PDE4DIP: variants seen among roughly 807,000 people sequenced by gnomAD.
PDE4DIP encodes phosphodiesterase 4D interacting protein, also known as myomegalin.
In PDE4DIP, 59 loss-of-function variants were observed where a neutral mutation model predicts 221.4. The observed-to-expected ratio is 0.27, with a 90% CI of 0.22 to 0.33. The LOEUF (loss-of-function observed/expected upper bound fraction) is 0.33. Ranked by LOEUF, PDE4DIP falls within the 10% of genes least tolerant of loss-of-function variation. The pLI is 1.00. For synonymous variants in PDE4DIP, 404 were observed against 815.9 expected (o/e 0.50, Z 8.60); for missense variants, 1,036 against 2,154.2 (o/e 0.48, Z 10.28).
intron 1 of PDE4DIP, among the ~76,000 whole-genome samples, chr1:148,820,718 G>C (rs868962844): frequency 1.0e-4 from 15 of 148,816 alleles, no homozygotes; most frequent in South Asian, 2.2e-4. Flanking sequence ...TTTTTTTGGG[G>C]GGGGGGTGGC....
At chr1:148,989,596 C>G (rs587718085) in intron 21 of PDE4DIP, among the ~76,000 whole-genome samples, 1 of 152,310 alleles carries the variant, frequency 6.6e-6, no homozygotes, top group African/African-American at 2.4e-5. Flanking sequence ...CAGCCTGACT[C>G]CACAACCCAG....
intron 1 of PDE4DIP, among the ~76,000 whole-genome samples, chr1:148,901,286 CG>C (rs2040535477): frequency 9.8e-6 from 1 of 101,678 alleles, no homozygotes; most frequent in African/African-American, 3.5e-5. Context: ...AGGCACAGAG[CG>C]GGGCTGGTGC....
chr1:148,950,652 G>C (rs1318023654), intron 5 of PDE4DIP, among the ~76,000 whole-genome samples: 2 of 141,316 alleles, frequency 1.4e-5, no homozygotes, highest in African/African-American at 2.7e-5. Context: ...GAGCAAGATG[G>C]AGCGGTGGAG....
At chr1:148,981,374 T>A (rs1463257949) in exon 21 of PDE4DIP, 1 of 1,613,918 alleles carries the variant, frequency 6.2e-7, no homozygotes, top group Non-Finnish European at 8.5e-7. Context: ...TTAAACAGGC[T>A]GGAGACCCTG....
intron 1 of PDE4DIP, among the ~76,000 whole-genome samples, chr1:148,832,697 G>T (rs1553370497): frequency 6.6e-6 from 1 of 151,932 alleles, no homozygotes; most frequent in Non-Finnish European, 1.5e-5. Flanking sequence ...TAATCATATG[G>T]TTTTTGTCAC....
At chr1:149,032,363 A>G (rs1619391) in exon 44 of PDE4DIP, 41,783 of 530,674 alleles carry the variant, frequency 0.079, 4,567 homozygotes, top group East Asian at 0.48. Context: ...AAACTCAGTG[A>G]ATATAGGACC....
intron 1 of PDE4DIP, among the ~76,000 whole-genome samples, chr1:148,914,870 G>A (rs1573281720): frequency 9.5e-6 from 1 of 105,522 alleles, no homozygotes; most frequent in East Asian, 2.3e-4. Flanking sequence ...AAAGATAAAT[G>A]AATAATAGCA....
At chr1:148,963,896 G>A (rs587654799) in intron 9 of PDE4DIP, among the ~76,000 whole-genome samples, 5 of 148,084 alleles carry the variant, frequency 3.4e-5, no homozygotes, top group Non-Finnish European at 7.4e-5. Context: ...TGGGACTACA[G>A]GCACTGGCCG....
intron 1 of PDE4DIP, among the ~76,000 whole-genome samples, chr1:148,815,547 C>CAAAA (rs3978512): frequency 2.6e-4 from 7 of 26,486 alleles, no homozygotes; most frequent in Non-Finnish European, 3.9e-4. Flanking sequence ...GACTCTGTCT[C>CAAAA]AAAAAAAAAA....
At chr1:148,996,875 A>G (rs1351320783) in intron 22 of PDE4DIP, among the ~76,000 whole-genome samples, 2 of 152,262 alleles carry the variant, frequency 1.3e-5, no homozygotes, top group Non-Finnish European at 1.5e-5. Flanking sequence ...GGGCCACTAC[A>G]TGATTTGTGG....
intron 1 of PDE4DIP, among the ~76,000 whole-genome samples, chr1:148,846,428 A>G (rs1676872047): frequency 1.5e-4 from 7 of 47,586 alleles, no homozygotes; most frequent in Middle Eastern, 8.2e-3. Flanking sequence ...TGGGCAACAA[A>G]AGCGAAACTC....
rs1553467999 is a variant in PDE4DIP at position 148,929,415 on chromosome 1, A to T, written c.218+142A>T. The stretch of plus-strand genomic sequence containing the variant: ...TCAGGAACTGAAACAATAGATTTTC[A>T]TATGCTGTGTTTCCCTTGGGCTCTT... On this transcript the variant is annotated intron_variant, in intron 2 of 43. Transcript: ENST00000369354. The T allele has an allele frequency of 5.7e-6, 7 of 1,237,706 alleles. No individual in the cohort carries two copies. The Admixed American group carries it at 1.2e-4, about 22-fold the overall frequency. 76.7% of individuals were successfully genotyped at this position (1,237,706 alleles called of 1,614,324 possible).
At chr1:148,929,988 G>A (rs1553468470) in intron 2 of PDE4DIP, 1 of 151,902 alleles carries the variant, frequency 6.6e-6, no homozygotes, top group East Asian at 1.9e-4. Context: ...AAGTAAGGGG[G>A]AAAAGTTGCT....
At chr1:149,023,378 C>T (rs1188323590) in intron 37 of PDE4DIP, among the ~76,000 whole-genome samples, 4 of 151,160 alleles carry the variant, frequency 2.6e-5, no homozygotes, top group African/African-American at 9.7e-5. Context: ...TATATGCACC[C>T]TGTTGCCTTG....
At chr1:148,933,914 G>A (rs1214181963) in intron 4 of PDE4DIP, among the ~76,000 whole-genome samples, 2 of 148,262 alleles carry the variant, frequency 1.3e-5, no homozygotes, top group Admixed American at 1.4e-4. Context: ...ATACAGCTGA[G>A]TACTTTATGT....
chr1:148,843,540 G>A (rs1470417), intron 1 of PDE4DIP, among the ~76,000 whole-genome samples: 3 of 91,786 alleles, frequency 3.3e-5, no homozygotes, highest in African/African-American at 4.7e-5. Flanking sequence ...GCCTTTTTCA[G>A]ATAAAAAAAA....
intron 17 of PDE4DIP, among the ~76,000 whole-genome samples, chr1:148,976,451 A>G (rs1224426195): frequency 2.0e-5 from 3 of 152,160 alleles, no homozygotes; most frequent in Non-Finnish European, 4.4e-5. Context: ...TAAGTTGAAG[A>G]GTAGAAGAAG....
intron 21 of PDE4DIP, among the ~76,000 whole-genome samples, chr1:148,987,939 C>T (rs1243986450): frequency 6.6e-6 from 1 of 152,086 alleles, no homozygotes; most frequent in Non-Finnish European, 1.5e-5. Flanking sequence ...CATGAAGTTC[C>T]CCCTAAGGCT....
intron 5 of PDE4DIP, among the ~76,000 whole-genome samples, chr1:148,954,301 T>C (rs1240598922): frequency 1.3e-5 from 2 of 152,138 alleles, no homozygotes; most frequent in Non-Finnish European, 1.5e-5. Context: ...AGACGTTTCC[T>C]CCCAATGGTT....
Sources: allele counts gnomAD v4.1 joint callset (sites outside exome capture counted in the v4.1 genomes callset), GRCh38; gene constraint gnomAD v4.1.1; transcripts MANE v1.5; gene names NCBI Gene and HGNC (gene_info 2026-07-23, HGNC 2026-07-21).